The following TET1 variants were observed in gnomAD, a reference collection of about 807,000 sequenced individuals.
TET1 encodes the protein methylcytosine dioxygenase TET1.
In TET1, 13 loss-of-function variants were observed where a neutral mutation model predicts 148.7. The observed-to-expected ratio is 0.09, with a 90% CI of 0.06 to 0.14. The LOEUF (loss-of-function observed/expected upper bound fraction) is 0.14, where lower values mean the gene tolerates loss of function less well. Ranked by LOEUF, TET1 falls within the 10% of genes least tolerant of loss-of-function variation. TET1 has a pLI of 1.00. For missense variants in TET1, 2,182 were observed against 2,553.8 expected (o/e 0.85, Z 3.14); for synonymous variants, 907 against 937.2 (o/e 0.97, Z 0.59).
chr10:68,595,612 CTTTTTTT>C (rs71470530), intron 2 of TET1, among the ~76,000 whole-genome samples: 7 of 76,516 alleles, frequency 9.1e-5, no homozygotes, highest in African/African-American at 3.6e-4. Flanking sequence ...CACACAGCTT[CTTTTTTT>C]TTTTTTTTTT....
chr10:68,578,263 A>AT (rs1051370952), intron 2 of TET1, among the ~76,000 whole-genome samples: 4 of 151,900 alleles, frequency 2.6e-5, no homozygotes, highest in Non-Finnish European at 5.9e-5. Context: ...ATTTTATTTT[A>AT]TTTATTTATT....
Position 68,691,339 on chromosome 10 carries a change from C to T in TET1, c.5936C>T (p.Pro1979Leu), listed in dbSNP as rs2055590589. 1 of 1,614,164 alleles carries T rather than the reference C, an allele frequency of 6.2e-7. No homozygotes were observed. The highest frequency in any genetic ancestry group is 8.5e-7 in the Non-Finnish European group (1 of 1,180,032). The stretch of plus-strand genomic sequence containing the variant: ...TCAGACGAACCCCTATCTGATGACC[C>T]CCTGTCACCTGCTGAGGAGAAATTG... Reference protein sequence around the residue: ...PPSDEPLSDDPLSPAEEKLPH... With the variant: ...PPSDEPLSDDLLSPAEEKLPH... Residue 1979 changes from proline to leucine, a missense_variant, in exon 12 of 12, where the codon CCC becomes CTC. Transcript: ENST00000373644. The surrounding 1 kb of genome is among the most constrained non-coding windows in gnomAD (Gnocchi z 4.4).
intron 3 of TET1, among the ~76,000 whole-genome samples, chr10:68,624,099 C>CTTTCTTTTT (rs1554937832): frequency 3.4e-4 from 51 of 148,126 alleles, no homozygotes; most frequent in African/African-American, 1.3e-3. Context: ...TTCTTTCTTT[C>CTTTCTTTTT]TTTTCTTTTT....
rs5030882 is a variant in TET1 at position 68,692,714 on chromosome 10, C to T, written c.*900C>T. 0.91 allele frequency: 209,915 copies of T among 230,822 alleles called. 96,041 individuals are homozygous for T. Among genetic ancestry groups the T allele is most frequent in the East Asian group, 0.98 (15,869 of 16,112 alleles). The allele number at this position is 230,822 out of a possible 1,614,324, so 14.3% of individuals were successfully genotyped here. On this transcript the variant is annotated 3_prime_UTR_variant, in exon 12 of 12. Transcript: ENST00000373644. The stretch of plus-strand genomic sequence containing the variant: ...GGAATTAGGAAGCATATCACCAATA[C>T]TGATTAACATTCTCTTTGGAACTAG...
In TET1 at chr10:68,565,473, A is replaced by AT. The variant is rs1554927796; in HGVS notation, c.-123+4731_-123+4732insT. 1.0e-3 allele frequency among the ~76,000 whole-genome samples: 53 copies of AT among 51,506 alleles called. No individual in the cohort carries two copies. In the East Asian group the frequency reaches 0.014, roughly 13 times the overall value. 33.8% of individuals were successfully genotyped at this position (51,506 alleles called of 152,430 possible). ...AGAGCAAGACCCTGTTTAAAAAAAAAAAATATATATATATATATATATATA... is the reference window on the plus strand; with the variant it reads ...AGAGCAAGACCCTGTTTAAAAAAAAATAAATATATATATATATATATATATA... On this transcript the variant is annotated intron_variant, in intron 1 of 11. Coordinates refer to ENST00000373644, the MANE Select transcript of TET1 (RefSeq NM_030625.3).
At position 68,677,301 on chromosome 10, in the gene TET1, A is replaced by G. The variant is rs1489214421; in HGVS notation, c.4825-4098A>G. 3.9e-5 allele frequency among the ~76,000 whole-genome samples: 6 copies of G among 152,130 alleles called. No homozygotes were observed. In the East Asian group the frequency reaches 1.2e-3, roughly 29 times the overall value. On this transcript the variant is annotated intron_variant, in intron 8 of 11. Coordinates refer to ENST00000373644, the MANE Select transcript of TET1 (RefSeq NM_030625.3). ...TGGGAACTCATTAGGCATCCACCCTATAGTCCTGATTTAACTCCTTCTGAT... is the reference window on the plus strand; with the variant it reads ...TGGGAACTCATTAGGCATCCACCCTGTAGTCCTGATTTAACTCCTTCTGAT...
intron 3 of TET1, among the ~76,000 whole-genome samples, chr10:68,629,830 C>T (rs1006822929): frequency 1.3e-4 from 20 of 152,230 alleles, no homozygotes; most frequent in African/African-American, 4.8e-4. Context: ...GCCACTGCAC[C>T]CAGCCAAAAG....
chr10:68,689,245 C>G (rs1269195895), intron 11 of TET1, among the ~76,000 whole-genome samples: 1 of 152,134 alleles, frequency 6.6e-6, no homozygotes, highest in Admixed American at 6.6e-5. Flanking sequence ...TCTCAAGGCT[C>G]CAGGTTGTAG....
intron 3 of TET1, among the ~76,000 whole-genome samples, chr10:68,612,713 G>T (rs951558856): frequency 2.0e-5 from 3 of 151,990 alleles, no homozygotes; most frequent in African/African-American, 7.3e-5. Context: ...CACCTCTCAG[G>T]CTCAAGCGAT....
chr10:68,616,398 G>T (rs910121369), intron 3 of TET1, among the ~76,000 whole-genome samples: 14 of 152,230 alleles, frequency 9.2e-5, no homozygotes, highest in African/African-American at 3.4e-4. Context: ...TATCACAGAA[G>T]TGAGTTTGTG....
At chr10:68,613,592 T>C (rs1396194686) in intron 3 of TET1, among the ~76,000 whole-genome samples, 2 of 151,410 alleles carry the variant, frequency 1.3e-5, no homozygotes, top group Non-Finnish European at 2.9e-5. Context: ...AAAAACAACA[T>C]GGAAAAAAAA....
chr10:68,571,340 G>T (rs1477047255), intron 1 of TET1, among the ~76,000 whole-genome samples: 2 of 150,746 alleles, frequency 1.3e-5, no homozygotes, highest in African/African-American at 2.4e-5. Flanking sequence ...GTCTCACTCT[G>T]TCACCCAGGC....
chr10:68,668,288 C>T (rs2055221529), intron 7 of TET1, among the ~76,000 whole-genome samples: 1 of 152,048 alleles, frequency 6.6e-6, no homozygotes, highest in South Asian at 2.1e-4. Context: ...CATCTTTTTC[C>T]TTATTTGGAT....
chr10:68,599,097 G>A (rs888753865), intron 2 of TET1, among the ~76,000 whole-genome samples: 3 of 152,210 alleles, frequency 2.0e-5, no homozygotes, highest in East Asian at 1.9e-4. Context: ...GTTCCAACAC[G>A]GAAAGCATGC....
intron 2 of TET1, among the ~76,000 whole-genome samples, chr10:68,589,352 A>G (rs2053893700): frequency 2.6e-5 from 4 of 152,174 alleles, no homozygotes; most frequent in Admixed American, 2.0e-4. Context: ...CTTTTACTTA[A>G]TAAGTGTAAG....
chr10:68,572,449 T>C lies in TET1; in HGVS notation c.111T>C (p.Asn37=). 6.2e-7 allele frequency: 1 copy of C among 1,614,066 alleles called. No individual in the cohort carries two copies. The highest frequency in any genetic ancestry group is 8.5e-7 in the Non-Finnish European group (1 of 1,180,000). ...LRKTTKGANK[N]VASVKTLSPG... ...AGACAACCAAGGGAGCCAACAAAAA[T>C]GTGGCATCAGTCAAGACTTTAAGCC... Residue 37 remains asparagine, a synonymous_variant, in exon 2 of 12, where the codon AAT becomes AAC. Coordinates refer to ENST00000373644, the MANE Select transcript of TET1 (RefSeq NM_030625.3).
intron 2 of TET1, among the ~76,000 whole-genome samples, chr10:68,581,535 T>G (rs896371653): frequency 1.3e-5 from 2 of 152,142 alleles, no homozygotes; most frequent in Non-Finnish European, 2.9e-5. Flanking sequence ...TTTTAGTATG[T>G]GTGAAAGCCA....
rs765045114 is a variant in TET1, at chr10:68,645,066, T to C, written c.2337T>C (p.Ile779=). The change falls in exon 4 of 12, where the codon ATT becomes ATC. Residue 779 remains isoleucine, a synonymous_variant. Transcript: ENST00000373644. ...ATGTTTCATTTAAAAAATTCAATAT[T>C]GAAGAATTCGGCAAGACATTGGAAA... is the stretch of plus-strand genomic sequence containing the variant. The part of the protein sequence containing the change: ...ETNVSFKKFN[I]EEFGKTLENN... 1 of 1,612,488 alleles carries C rather than the reference T, an allele frequency of 6.2e-7. No homozygotes were observed. Among genetic ancestry groups the C allele is most frequent in the Middle Eastern group, 1.7e-4 (1 of 6,056 alleles).
chr10:68,643,812 G>GA (rs1009574299), intron 3 of TET1, among the ~76,000 whole-genome samples: 49 of 150,768 alleles, frequency 3.3e-4, no homozygotes, highest in African/African-American at 5.8e-4. Context: ...GACCCCGTCT[G>GA]AAAAAAAATA....
Sources: allele counts gnomAD v4.1 joint callset (sites outside exome capture counted in the v4.1 genomes callset), GRCh38; gene constraint gnomAD v4.1.1; non-coding constraint Gnocchi (gnomAD v3.1); transcripts MANE v1.5; gene names NCBI Gene and HGNC (gene_info 2026-07-23, HGNC 2026-07-21).